Variants in SCN11A observed in about 807,000 individuals in gnomAD.
The protein encoded by SCN11A is sodium channel protein type 11 subunit alpha.
SCN11A carries 122 observed loss-of-function variants against 162.2 expected under a neutral mutation model. The observed-to-expected ratio is 0.75, with a 90% CI of 0.65 to 0.87. The LOEUF is 0.87. Among genes scored for constraint, SCN11A ranks in the 40% least tolerant of loss-of-function variants. SCN11A has a pLI of 0.00. For synonymous variants in SCN11A, 758 were observed against 751.5 expected, an observed-to-expected ratio of 1.01 and a Z score of -0.14; for missense variants, 2,015 against 2,181.6, an observed-to-expected ratio of 0.92 and a Z score of 1.52.
chr3:38,962,101 C>T (rs932872143), intron 2 of SCN11A, among the ~76,000 whole-genome samples: 5 of 152,228 alleles, frequency 3.3e-5, no homozygotes, highest in African/African-American at 9.6e-5. Flanking sequence ...CCAATTATCC[C>T]AGCACCATTT....
chr3:38,885,011 A>G lies in SCN11A; in HGVS notation c.3064+277T>C, dbSNP rs139180244. ...TGCCCTGGGAACCATAGAAAGTGGC[A>G]GACATATTGGCCCAGTGGGCTTTCT... On this transcript the variant is annotated intron_variant, in intron 21 of 29. Coordinates refer to ENST00000302328, the MANE Select transcript of SCN11A (RefSeq NM_001349253.2). Among the ~76,000 whole-genome samples the G allele has an allele frequency of 3.4e-3, 524 of 152,318 alleles. 2 individuals are homozygous for G. Among genetic ancestry groups the G allele is most frequent in the Non-Finnish European group, 5.9e-3 (399 of 68,018 alleles).
At position 38,963,387 on chromosome 3, in the gene SCN11A, GATGGAGATATATA is replaced by G. The variant is rs1559558255; in HGVS notation, c.-279-2977_-279-2965del. ...TATATATATATATATATATATATAT[GATGGAGATATATA>G]TATATATATATATATATGATGGAGA... is the stretch of plus-strand genomic sequence containing the variant. On this transcript the variant is annotated intron_variant, in intron 2 of 29. Coordinates refer to ENST00000302328, the MANE Select transcript of SCN11A (RefSeq NM_001349253.2). Among the ~76,000 whole-genome samples the G allele has an allele frequency of 1.4e-3, 67 of 48,710 alleles. 4 individuals carry two copies. The highest frequency in any genetic ancestry group is 6.1e-3 in the African/African-American group (63 of 10,364). 32.0% of individuals were successfully genotyped at this position (48,710 alleles called of 152,430 possible). A position where few individuals can be genotyped will look rare whatever the true frequency, so the allele number is the denominator to read the frequency against.
chr3:39,032,753 T>C (rs2125612156), intron 1 of SCN11A, among the ~76,000 whole-genome samples: 1 of 152,318 alleles, frequency 6.6e-6, no homozygotes, highest in South Asian at 2.1e-4. Flanking sequence ...ATTGAATATT[T>C]CCTGCATACT....
intron 2 of SCN11A, among the ~76,000 whole-genome samples, chr3:39,017,160 TTC>T (rs942685682): frequency 1.3e-5 from 2 of 152,186 alleles, no homozygotes; most frequent in African/African-American, 4.8e-5. Context: ...AGCTTGCTTC[TTC>T]TCTCTCTGCT....
At chr3:38,908,899 AG>A (rs2065843540) in intron 13 of SCN11A, 97 bp downstream of exon 13, 1 of 984,448 alleles carries the variant, frequency 1.0e-6, no homozygotes. Context: ...CACTGAGACC[AG>A]GCCAAGGGTG....
chr3:38,980,792 CT>C (rs2030001574), intron 2 of SCN11A, among the ~76,000 whole-genome samples: 1 of 152,200 alleles, frequency 6.6e-6, no homozygotes, highest in Non-Finnish European at 1.5e-5. Context: ...ATAGTCCTGA[CT>C]GATATCCAGG....
intron 2 of SCN11A, among the ~76,000 whole-genome samples, chr3:39,015,055 C>T (rs2031252240): frequency 6.6e-6 from 1 of 152,198 alleles, no homozygotes. Flanking sequence ...ATTTGTTACT[C>T]TCCACAACTC....
chr3:38,982,149 A>G (rs545520432), intron 2 of SCN11A, among the ~76,000 whole-genome samples: 1 of 152,186 alleles, frequency 6.6e-6, no homozygotes, highest in South Asian at 2.1e-4. Flanking sequence ...GCAAAAGGAG[A>G]TGGCATTAAC....
At chr3:39,020,871 G>A (rs953386485) in intron 2 of SCN11A, among the ~76,000 whole-genome samples, 1 of 151,946 alleles carries the variant, frequency 6.6e-6, no homozygotes, top group African/African-American at 2.4e-5. Context: ...TAATCAACTG[G>A]AGAATGCATC....
chr3:38,852,052 A>G lies in SCN11A; in HGVS notation c.4057-1301T>C, dbSNP rs372763016. On this transcript the variant is annotated intron_variant, in intron 28 of 29. Coordinates refer to ENST00000302328, the MANE Select transcript of SCN11A (RefSeq NM_001349253.2). Reference sequence around the variant, plus strand: ...GGTGCCAGTGGGGGGTCCAAGGGCAATGGGCAGGTAGAAGTATGAGTTTGG... The same window carrying G: ...GGTGCCAGTGGGGGGTCCAAGGGCAGTGGGCAGGTAGAAGTATGAGTTTGG... Among the ~76,000 whole-genome samples the G allele has an allele frequency of 7.2e-5, 11 of 152,294 alleles. No individual in the cohort carries two copies. In the East Asian group the frequency reaches 1.9e-3, roughly 27 times the overall value.
rs754708932 is a variant in SCN11A at position 38,926,802 on chromosome 3, C to A, written c.617+1G>T. ...TTCAAAAACATCTTTAATATTCTTA[C>A]GCTATTCCAATGACAATGGAGTCCA... On this transcript the variant is annotated splice_donor_variant, in intron 8 of 29. Transcript: ENST00000302328. LOFTEE classifies it high-confidence loss of function. The A allele has an allele frequency of 6.2e-7, 1 of 1,613,072 alleles. No individual in the cohort carries two copies. The highest frequency in any genetic ancestry group is 8.5e-7 in the Non-Finnish European group (1 of 1,179,586).
Position 38,909,164 on chromosome 3 carries a change from A to G in SCN11A, c.1132T>C (p.Phe378Leu), listed in dbSNP as rs1416485430. The G allele has an allele frequency of 6.2e-7, 1 of 1,614,154 alleles. No individual in the cohort carries two copies. Among genetic ancestry groups the G allele is most frequent in the Non-Finnish European group, 8.5e-7 (1 of 1,179,994 alleles). ...TLRTTGLYSV[F>L]FFIVVIFLGS... ...AGGAAAATGACCACAATGAAGAAGA[A>G]GACTGAGTAGAGCCCAGTAGTACGC... Residue 378 changes from phenylalanine (F) to leucine (L), a missense_variant, in exon 13 of 30, where the codon TTC (phenylalanine) becomes CTC (leucine). Transcript: ENST00000302328.
chr3:39,005,145 T>C (rs967191826), intron 2 of SCN11A, among the ~76,000 whole-genome samples: 2 of 152,224 alleles, frequency 1.3e-5, no homozygotes, highest in African/African-American at 4.8e-5. Context: ...ATGTCTGGAA[T>C]CTATGAATAA....
chr3:38,951,013 C>T (rs1478103636), intron 4 of SCN11A, among the ~76,000 whole-genome samples: 5 of 152,280 alleles, frequency 3.3e-5, no homozygotes, highest in Non-Finnish European at 5.9e-5. Context: ...CCCTCGCTCG[C>T]TCTAGGCGCC....
chr3:38,845,941 G>A lies in SCN11A; in HGVS notation c.*753C>T, dbSNP rs530357962. On this transcript the variant is annotated 3_prime_UTR_variant, in exon 30 of 30. Transcript: ENST00000302328. ...CAATAAGCTATTCATTTATTGGCAA[G>A]TTTTGAATTTTCATTTAGCATGCAA... 8.5e-5 allele frequency: 13 copies of A among 152,212 alleles called. 1 individual carries two copies. The South Asian group carries it at 2.7e-3, about 32-fold the overall frequency. 9.4% of individuals were successfully genotyped at this position (152,212 alleles called of 1,614,324 possible).
In SCN11A at chr3:38,909,088, T is replaced by C; in HGVS notation, c.1208A>G (p.Tyr403Cys). Residue 403 changes from tyrosine to cysteine, a missense_variant, in exon 13 of 30, where the codon TAT becomes TGT. Physicochemically the swap from Tyr to Cys is radical, Grantham distance 194 (BLOSUM62 -2). Transcript: ENST00000302328. ...AGCTACATTCTTGTTCTGCTCCTCA[T>C]ATGCCATGGTAACAACAGCCAGGGT... ...NLTLAVVTMA[Y>C]EEQNKNVAAE... 1 of 1,614,104 alleles carries C rather than the reference T, an allele frequency of 6.2e-7. No homozygotes were observed. The highest frequency in any genetic ancestry group is 8.5e-7 in the Non-Finnish European group (1 of 1,180,012).
intron 27 of SCN11A, among the ~76,000 whole-genome samples, chr3:38,864,379 A>AT (rs1401972596): frequency 6.6e-6 from 1 of 152,158 alleles, no homozygotes; most frequent in Non-Finnish European, 1.5e-5. Context: ...TTTAGTAATC[A>AT]TATATGTCAT....
chr3:38,989,294 CT>C (rs2030376628), intron 2 of SCN11A, among the ~76,000 whole-genome samples: 1 of 152,180 alleles, frequency 6.6e-6, no homozygotes, highest in Non-Finnish European at 1.5e-5. Context: ...CAGCCCCTGC[CT>C]AAAAGTTTTT....
At chr3:39,023,889 C>T (rs567907149) in intron 2 of SCN11A, among the ~76,000 whole-genome samples, 2 of 152,230 alleles carry the variant, frequency 1.3e-5, no homozygotes, top group East Asian at 3.9e-4. Context: ...GTGATCTGCC[C>T]GCCTTGGCCT....
Sources: allele counts gnomAD v4.1 joint callset (sites outside exome capture counted in the v4.1 genomes callset), GRCh38; gene constraint gnomAD v4.1.1; transcripts MANE v1.5; gene names NCBI Gene and HGNC (gene_info 2026-07-23, HGNC 2026-07-21).